The following ARHGEF9 variants were observed in gnomAD, a reference collection of about 807,000 sequenced individuals.
ARHGEF9 encodes the protein Cdc42 guanine nucleotide exchange factor 9.
In ARHGEF9, 2 loss-of-function variants were observed where a neutral mutation model predicts 41.3. The ratio of observed to expected loss-of-function variants is 0.05; its 90% CI spans 0.02 to 0.15. ARHGEF9 has a LOEUF of 0.15. Among genes scored for constraint, ARHGEF9 ranks in the 10% least tolerant of loss-of-function variants. The pLI, the probability that ARHGEF9 is intolerant of heterozygous loss-of-function variation, is 1.00. For missense variants in ARHGEF9, 225 were observed against 424.7 expected, an observed-to-expected ratio of 0.53 and a Z score of 4.13; for synonymous variants, 160 against 154.4, an observed-to-expected ratio of 1.04 and a Z score of -0.27.
rs2047365995 is a variant in ARHGEF9, at chrX:63,637,494, C to T, written c.*534G>A. On this transcript the variant is annotated 3_prime_UTR_variant, in exon 10 of 10. Coordinates refer to ENST00000671741, the MANE Select transcript of ARHGEF9 (RefSeq NM_001353921.2). The stretch of plus-strand genomic sequence containing the variant: ...GAGGAGAAAGGAGCTCATTCCCTTC[C>T]TCAATGGAAAGTAAAAGAGGGGAAA... 3.6e-6 allele frequency: 1 copy of T among 280,449 alleles called. No homozygotes were observed. The highest frequency in any genetic ancestry group is 6.2e-6 in the Non-Finnish European group (1 of 161,389). The allele number at this position is 280,449 out of a possible 1,213,427, so 23.1% of individuals were successfully genotyped here. A position where few individuals can be genotyped will look rare whatever the true frequency, so the allele number is the denominator to read the frequency against.
chrX:63,712,770 A>C (rs544591592), intron 2 of ARHGEF9: 1 of 111,725 alleles, frequency 9.0e-6, no homozygotes, highest in Non-Finnish European at 1.9e-5. Context: ...GATAAGGTGA[A>C]ATTTCCCCTG....
At chrX:63,690,274 CAAAT>C (rs2051251739) in intron 4 of ARHGEF9, among the ~76,000 whole-genome samples, 1 of 110,605 alleles carries the variant, frequency 9.0e-6, no homozygotes, top group African/African-American at 3.3e-5. Flanking sequence ...AAAGAATACT[CAAAT>C]AAATGAAATC....
chrX:63,777,986 G>C (rs1279791315), intron 1 of ARHGEF9, among the ~76,000 whole-genome samples: 1 of 112,628 alleles, frequency 8.9e-6, no homozygotes, highest in African/African-American at 3.2e-5. Flanking sequence ...CCGGAGGACA[G>C]TGGCCCTCTT....
intron 2 of ARHGEF9, among the ~76,000 whole-genome samples, chrX:63,717,192 T>C (rs1464542954): frequency 8.9e-6 from 1 of 112,489 alleles, no homozygotes; most frequent in Non-Finnish European, 1.9e-5. Flanking sequence ...GGTTCCTACA[T>C]ATAACACAAT....
intron 1 of ARHGEF9, 51 bp from the exon 2 acceptor site, chrX:63,724,762 C>T: frequency 1.8e-6 from 2 of 1,122,561 alleles, no homozygotes; most frequent in Non-Finnish European, 2.4e-6. Context: ...ACCTTGCTTG[C>T]CCCTTCCCCC....
chrX:63,766,814 A>G, intron 1 of ARHGEF9: 1 of 276,747 alleles, frequency 3.6e-6, no homozygotes. Context: ...CAGCTGAGCC[A>G]TCCAAGACCC....
intron 1 of ARHGEF9, among the ~76,000 whole-genome samples, chrX:63,741,088 A>G (rs112358614): frequency 0.034 from 3,874 of 112,798 alleles, 99 homozygotes; most frequent in African/African-American, 0.087. Context: ...CAAGAAAGAT[A>G]AACTTTAATA....
intron 1 of ARHGEF9, among the ~76,000 whole-genome samples, chrX:63,743,847 T>C (rs2055108016): frequency 8.9e-6 from 1 of 112,017 alleles, no homozygotes; most frequent in African/African-American, 3.3e-5. Context: ...CTGCTCTTCA[T>C]AGCAGCGAGT....
chrX:63,714,884 C>A (rs782341558), intron 2 of ARHGEF9, among the ~76,000 whole-genome samples: 1 of 111,534 alleles, frequency 9.0e-6, no homozygotes, highest in Non-Finnish European at 1.9e-5. Context: ...GCAATTGTCC[C>A]AAATTTCTTA....
At chrX:63,771,675 T>G (rs1407955983) in intron 1 of ARHGEF9, among the ~76,000 whole-genome samples, 1 of 110,483 alleles carries the variant, frequency 9.1e-6, no homozygotes, top group Non-Finnish European at 1.9e-5. Flanking sequence ...CAAGTGATTC[T>G]CATGCCTCAG....
At chrX:63,684,155 C>T (rs782799019) in intron 4 of ARHGEF9, among the ~76,000 whole-genome samples, 1 of 109,622 alleles carries the variant, frequency 9.1e-6, no homozygotes, top group African/African-American at 3.3e-5. Context: ...ACTCACATCA[C>T]TTCACAGCAA....
chrX:63,679,706 T>TA (rs1298039423), intron 4 of ARHGEF9, among the ~76,000 whole-genome samples: 4 of 111,273 alleles, frequency 3.6e-5, no homozygotes, highest in Non-Finnish European at 5.7e-5. Flanking sequence ...CACAATGTAA[T>TA]AAAGGACACC....
chrX:63,687,260 G>A (rs1556376645), intron 4 of ARHGEF9, among the ~76,000 whole-genome samples: 1 of 111,639 alleles, frequency 9.0e-6, no homozygotes, highest in Non-Finnish European at 1.9e-5. Flanking sequence ...AGGATGAGTA[G>A]CACTCTGAAA....
chrX:63,724,809 T>C (rs2053856857), intron 1 of ARHGEF9, 98 bp from the exon 2 acceptor site: 23 of 876,082 alleles, frequency 2.6e-5, no homozygotes, highest in Non-Finnish European at 3.3e-5. Flanking sequence ...GAAACTCATA[T>C]ACTCAAGTGG....
chrX:63,668,799 G>A (rs1203600089), intron 6 of ARHGEF9, among the ~76,000 whole-genome samples: 4 of 112,147 alleles, frequency 3.6e-5, no homozygotes, highest in African/African-American at 1.3e-4. Flanking sequence ...CAAAACCAGG[G>A]TCAAAGAAAT....
rs782592052 is a variant in ARHGEF9, at chrX:63,706,407, C to T, written c.253G>A (p.Asp85Asn). ...QEDEVEEGPS[D>N]VQNGHLDPNS... ...GGGTCCAGGTGTCCGTTCTGCACAT[C>T]GCTGGGCCCCTCCTCCACCTCATCC... Residue 85 changes from aspartate (D) to asparagine (N), a missense_variant, in exon 3 of 10, where the codon GAT (aspartate) becomes AAT (asparagine). This residue lies in a region of ARHGEF9 where 114 missense variants were observed against 197.9 expected (regional missense o/e 0.58). Transcript: ENST00000671741. 1.0e-5 allele frequency: 12 copies of T among 1,205,204 alleles called. No individual in the cohort carries two copies. Among genetic ancestry groups the T allele is most frequent in the East Asian group, 6.0e-5 (2 of 33,449 alleles).
At chrX:63,717,508 A>G (rs1261627992) in intron 2 of ARHGEF9, among the ~76,000 whole-genome samples, 3 of 111,956 alleles carry the variant, frequency 2.7e-5, no homozygotes, top group Middle Eastern at 4.2e-3. Context: ...ATTCATCCAA[A>G]TAATGGCTAA....
intron 8 of ARHGEF9, among the ~76,000 whole-genome samples, chrX:63,646,641 T>C (rs781818795): frequency 1.6e-4 from 18 of 112,153 alleles, no homozygotes; most frequent in Admixed American, 3.8e-4. Context: ...AGCCTTGTAG[T>C]ATAGTTTGAA....
intron 7 of ARHGEF9, among the ~76,000 whole-genome samples, chrX:63,662,191 T>A (rs182985323): frequency 8.9e-6 from 1 of 111,937 alleles, no homozygotes; most frequent in African/African-American, 3.2e-5. Flanking sequence ...TCACAACTGA[T>A]ATAATGGAGG....
Sources: allele counts gnomAD v4.1 joint callset (sites outside exome capture counted in the v4.1 genomes callset), GRCh38; gene constraint gnomAD v4.1.1; regional missense constraint gnomAD v4.1.1; transcripts MANE v1.5; gene names NCBI Gene and HGNC (gene_info 2026-07-23, HGNC 2026-07-21).